Variants in TMEM74 observed in about 807,000 individuals in gnomAD.
TMEM74 encodes transmembrane protein 74.
A neutral mutation model predicts 18.1 loss-of-function variants in TMEM74; 13 were observed. That is an observed-to-expected ratio of 0.72 (90% confidence interval 0.47 to 1.14). The LOEUF (loss-of-function observed/expected upper bound fraction) is 1.14. Ranked by LOEUF, TMEM74 falls within the 50% of genes most tolerant of loss-of-function variation. The pLI is 0.00. For synonymous variants in TMEM74, 159 were observed against 146.6 expected (o/e 1.08, Z -0.61); for missense variants, 372 against 375.9 (o/e 0.99, Z 0.09).
intron 1 of TMEM74, among the ~76,000 whole-genome samples, chr8:108,728,805 A>AAAG (rs1813665627): frequency 6.6e-6 from 1 of 152,220 alleles, no homozygotes; most frequent in Non-Finnish European, 1.5e-5. Flanking sequence ...TTATACATAC[A>AAAG]GACTCTCAAC....
intron 1 of TMEM74, among the ~76,000 whole-genome samples, chr8:108,773,791 T>G (rs1814198940): frequency 6.6e-6 from 1 of 152,152 alleles, no homozygotes; most frequent in Non-Finnish European, 1.5e-5. Context: ...GTGAGTAATT[T>G]TGGAATAGAA....
intron 1 of TMEM74, among the ~76,000 whole-genome samples, chr8:108,713,949 G>C (rs1813498533): frequency 6.6e-6 from 1 of 152,188 alleles, no homozygotes; most frequent in Admixed American, 6.5e-5. Flanking sequence ...AGGGAGCCTG[G>C]AGTTGTTGCA....
At chr8:108,659,487 G>T (rs540059003) in intron 1 of TMEM74, among the ~76,000 whole-genome samples, 1 of 152,132 alleles carries the variant, frequency 6.6e-6, no homozygotes, top group East Asian at 1.9e-4. Flanking sequence ...TTCCAGTCTT[G>T]GTCCTTTTCT....
intron 1 of TMEM74, among the ~76,000 whole-genome samples, chr8:108,758,922 G>T (rs543843751): frequency 6.6e-6 from 1 of 151,868 alleles, no homozygotes; most frequent in African/African-American, 2.4e-5. Flanking sequence ...GGAATAAAAC[G>T]TGATTTTTAA....
chr8:108,688,713 A>T (rs750156081), intron 1 of TMEM74, among the ~76,000 whole-genome samples: 3 of 152,230 alleles, frequency 2.0e-5, no homozygotes, highest in African/African-American at 7.2e-5. Context: ...AGCAAAGGAA[A>T]CATAATTTGC....
At chr8:108,615,192 G>A (rs1398634187) in intron 2 of TMEM74, among the ~76,000 whole-genome samples, 2 of 152,220 alleles carry the variant, frequency 1.3e-5, no homozygotes, top group African/African-American at 4.8e-5. Context: ...AGGGACGGAA[G>A]CTACAGAGAG....
chr8:108,756,663 A>C (rs1231688019), intron 1 of TMEM74, among the ~76,000 whole-genome samples: 1 of 85,844 alleles, frequency 1.2e-5, no homozygotes, highest in East Asian at 3.9e-4. Flanking sequence ...AAAGAAAGAA[A>C]GAAAGAAAGA....
chr8:108,703,992 C>G (rs1813364191), intron 1 of TMEM74, among the ~76,000 whole-genome samples: 1 of 152,142 alleles, frequency 6.6e-6, no homozygotes, highest in Admixed American at 6.5e-5. Flanking sequence ...ATGCTGCCCC[C>G]TTCTGGAATA....
At chr8:108,702,028 C>A (rs1307934570) in intron 1 of TMEM74, among the ~76,000 whole-genome samples, 1 of 152,024 alleles carries the variant, frequency 6.6e-6, no homozygotes, top group African/African-American at 2.4e-5. Context: ...TAATCAAGAT[C>A]ATATGGTTGG....
intron 1 of TMEM74, among the ~76,000 whole-genome samples, chr8:108,690,050 T>C (rs1282887260): frequency 6.6e-6 from 1 of 152,080 alleles, no homozygotes; most frequent in East Asian, 1.9e-4. Flanking sequence ...AATACATATA[T>C]ATACATACGT....
chr8:108,749,436 A>G (rs1329346516), intron 1 of TMEM74, among the ~76,000 whole-genome samples: 2 of 152,086 alleles, frequency 1.3e-5, no homozygotes, highest in Non-Finnish European at 2.9e-5. Flanking sequence ...TTCATACATG[A>G]TTTGGCTCTT....
chr8:108,750,886 G>A (rs968071325), intron 1 of TMEM74, among the ~76,000 whole-genome samples: 19 of 152,100 alleles, frequency 1.2e-4, no homozygotes, highest in African/African-American at 4.1e-4. Flanking sequence ...TCTTCCAAGC[G>A]TATTTTCCAT....
chr8:108,738,846 C>G (rs1265211538), intron 1 of TMEM74, among the ~76,000 whole-genome samples: 1 of 152,190 alleles, frequency 6.6e-6, no homozygotes, highest in Admixed American at 6.5e-5. Context: ...ACTCAGACTC[C>G]TTGAATTTTG....
intron 1 of TMEM74, among the ~76,000 whole-genome samples, chr8:108,707,667 C>A (rs1002683479): frequency 2.6e-5 from 4 of 152,098 alleles, no homozygotes; most frequent in South Asian, 4.1e-4. Context: ...TGGGGCCTTA[C>A]TTTACATCGC....
Position 108,784,134 on chromosome 8 carries a change from A to G in TMEM74, c.*47T>C. 6.9e-7 allele frequency: 1 copy of G among 1,448,974 alleles called. No homozygotes were observed. The highest frequency in any genetic ancestry group is 1.4e-5 in the African/African-American group (1 of 70,170). 89.8% of individuals were successfully genotyped at this position (1,448,974 alleles called of 1,614,324 possible). On this transcript the variant is annotated 3_prime_UTR_variant, in exon 2 of 2. Coordinates refer to ENST00000297459, the MANE Select transcript of TMEM74 (RefSeq NM_153015.3). ...GAATTTTTATAAATTAACTTTTTTCATATTATAAAATGCCAAGGCAGACTC... is the reference window on the plus strand; with the variant it reads ...GAATTTTTATAAATTAACTTTTTTCGTATTATAAAATGCCAAGGCAGACTC...
chr8:108,708,620 G>A (rs1313078704), intron 1 of TMEM74, among the ~76,000 whole-genome samples: 1 of 151,896 alleles, frequency 6.6e-6, no homozygotes, highest in African/African-American at 2.4e-5. Context: ...AATGGTTAAT[G>A]TTTAGCATTT....
intron 1 of TMEM74, among the ~76,000 whole-genome samples, chr8:108,683,054 A>G (rs1216724271): frequency 6.6e-6 from 1 of 151,914 alleles, no homozygotes; most frequent in Non-Finnish European, 1.5e-5. Flanking sequence ...CAAAAATAAT[A>G]ATAAAAAACA....
rs530104335 is a variant in TMEM74, at chr8:108,780,057, A to G, written c.*4124T>C. Among the ~76,000 whole-genome samples, 2 of 152,332 alleles carry G rather than the reference A, an allele frequency of 1.3e-5. No individual in the cohort carries two copies. The highest frequency in any genetic ancestry group is 1.9e-4 in the East Asian group (1 of 5,188). On this transcript the variant is annotated 3_prime_UTR_variant, in exon 2 of 2. Coordinates refer to ENST00000297459, the MANE Select transcript of TMEM74 (RefSeq NM_153015.3). ...TAGGAAAAGCCAGTAAGACTTCATT[A>G]TAATCTTCTCATCGTAGTCATTCTT...
At chr8:108,706,776 GGTGTGTGTGTGTGTGTGT>G (rs3049749) in intron 1 of TMEM74, among the ~76,000 whole-genome samples, 5 of 144,870 alleles carry the variant, frequency 3.5e-5, no homozygotes, top group African/African-American at 1.3e-4. Flanking sequence ...AATTACAAGG[GGTGTGTGTGTGTGTGTGT>G]GTGTGTGTGT....
Sources: allele counts gnomAD v4.1 joint callset (sites outside exome capture counted in the v4.1 genomes callset), GRCh38; gene constraint gnomAD v4.1.1; transcripts MANE v1.5; gene names NCBI Gene and HGNC (gene_info 2026-07-23, HGNC 2026-07-21).